SSBP3: variants seen among roughly 807,000 people sequenced by gnomAD.
The protein encoded by SSBP3 is single stranded DNA binding protein 3, also known as single-stranded DNA-binding protein 3.
A neutral mutation model predicts 69.6 loss-of-function variants in SSBP3; 5 were observed. The ratio of observed to expected loss-of-function variants is 0.07; its 90% CI spans 0.04 to 0.15. The LOEUF is 0.15. Ranked by LOEUF, SSBP3 falls within the 10% of genes least tolerant of loss-of-function variation. SSBP3 has a pLI of 1.00. For missense variants in SSBP3, 312 were observed against 534.0 expected (o/e 0.58, Z 4.10); for synonymous variants, 196 against 193.4 (o/e 1.01, Z -0.11).
chr1:54,313,456 T>TC (rs1646634013), intron 4 of SSBP3, among the ~76,000 whole-genome samples: 2 of 148,094 alleles, frequency 1.4e-5, no homozygotes, highest in African/African-American at 5.0e-5. Context: ...TTTTTTTTTT[T>TC]TTTTTCTTTT....
At chr1:54,300,143 G>A (rs187591650) in intron 4 of SSBP3, among the ~76,000 whole-genome samples, 2 of 152,240 alleles carry the variant, frequency 1.3e-5, no homozygotes, top group Non-Finnish European at 2.9e-5. Flanking sequence ...TAGCAGTGCT[G>A]GACTCGTGGC....
chr1:54,383,933 C>T (rs1389246037), intron 4 of SSBP3, among the ~76,000 whole-genome samples: 2 of 152,080 alleles, frequency 1.3e-5, no homozygotes, highest in Non-Finnish European at 2.9e-5. Flanking sequence ...AGCAAAACCC[C>T]ATCTCTACTA....
At chr1:54,290,495 G>A (rs912281126) in intron 4 of SSBP3, among the ~76,000 whole-genome samples, 1 of 152,222 alleles carries the variant, frequency 6.6e-6, no homozygotes, top group Non-Finnish European at 1.5e-5. Context: ...TTGGTCTTCT[G>A]AGAAGGGGCC....
intron 4 of SSBP3, among the ~76,000 whole-genome samples, chr1:54,395,586 G>T (rs192134720): frequency 6.6e-6 from 1 of 152,136 alleles, no homozygotes; most frequent in East Asian, 1.9e-4. Flanking sequence ...GCGGTGGGGG[G>T]GTTTAGAATC....
At chr1:54,316,663 AATAAATAAATAAATAAATAAATAAAT>A (rs1646111180) in intron 4 of SSBP3, among the ~76,000 whole-genome samples, 2 of 33,500 alleles carry the variant, frequency 6.0e-5, no homozygotes, top group Non-Finnish European at 1.1e-4. Flanking sequence ...AAAAAAATAA[AATAAATAAATAAATAAATAAATAAAT>A]AAATAAATAA....
At chr1:54,283,883 A>G (rs898201443) in intron 4 of SSBP3, among the ~76,000 whole-genome samples, 6 of 152,290 alleles carry the variant, frequency 3.9e-5, no homozygotes, top group African/African-American at 1.2e-4. Flanking sequence ...CATTAGCTGC[A>G]TTACTGCTGG....
At chr1:54,262,327 C>G (rs959696162) in intron 5 of SSBP3, among the ~76,000 whole-genome samples, 1 of 152,154 alleles carries the variant, frequency 6.6e-6, no homozygotes, top group South Asian at 2.1e-4. Flanking sequence ...AGCCAGGCCT[C>G]GATGTCTGAT....
At chr1:54,235,925 T>G (rs1287072992) in intron 14 of SSBP3, among the ~76,000 whole-genome samples, 1 of 152,210 alleles carries the variant, frequency 6.6e-6, no homozygotes, top group Admixed American at 6.5e-5. Flanking sequence ...TGACTGCCTT[T>G]TCTGGTGACA....
chr1:54,251,112 GA>G (rs1570261438), intron 9 of SSBP3, among the ~76,000 whole-genome samples: 1 of 152,220 alleles, frequency 6.6e-6, no homozygotes, highest in African/African-American at 2.4e-5. Flanking sequence ...AACAGGTGGG[GA>G]AACTGAGGCC....
chr1:54,278,036 T>A (rs1010825770), intron 5 of SSBP3, among the ~76,000 whole-genome samples: 6 of 152,188 alleles, frequency 3.9e-5, no homozygotes, highest in Non-Finnish European at 5.9e-5. Flanking sequence ...GCCTGCTCCA[T>A]CTACTGGTGA....
chr1:54,306,809 A>AT (rs1557516215), intron 4 of SSBP3, among the ~76,000 whole-genome samples: 2 of 152,064 alleles, frequency 1.3e-5, no homozygotes, highest in South Asian at 2.1e-4. Flanking sequence ...CAATAAAAAA[A>AT]TTTTTTTAAA....
chr1:54,385,438 C>G (rs186923756), intron 4 of SSBP3, among the ~76,000 whole-genome samples: 102 of 152,252 alleles, frequency 6.7e-4, no homozygotes, highest in African/African-American at 2.3e-3. Context: ...AAAATGTTCT[C>G]TCTCCTAGCA....
At position 54,339,342 on chromosome 1, in the gene SSBP3, C is replaced by T. The variant is rs1244685692; in HGVS notation, c.277-57815G>A. ...AGCAGATTCTTGGCAGACACACATT[C>T]TCAGTGTGGATGTGTCTATACAGCT... On this transcript the variant is annotated intron_variant, in intron 4 of 17. Transcript: ENST00000610401. 2.6e-5 allele frequency among the ~76,000 whole-genome samples: 4 copies of T among 152,182 alleles called. No individual in the cohort carries two copies. In the South Asian group the frequency reaches 8.3e-4, roughly 32 times the overall value.
At chr1:54,381,972 T>C (rs1647689576) in intron 4 of SSBP3, among the ~76,000 whole-genome samples, 1 of 152,210 alleles carries the variant, frequency 6.6e-6, no homozygotes, top group African/African-American at 2.4e-5. Flanking sequence ...GGTGGGTGGA[T>C]CATCTGAAGT....
intron 4 of SSBP3, among the ~76,000 whole-genome samples, chr1:54,393,839 A>G (rs1648668964): frequency 6.6e-6 from 1 of 152,066 alleles, no homozygotes; most frequent in South Asian, 2.1e-4. Flanking sequence ...GGCTCACTGC[A>G]ACCTCCACCT....
At chr1:54,408,309 C>A (rs771100561), upstream of SSBP3, among the ~76,000 whole-genome samples, 5 of 152,160 alleles carry the variant, frequency 3.3e-5, no homozygotes, top group Non-Finnish European at 2.9e-5. Context: ...GTTATTTTTT[C>A]CCCTAGGCGG....
chr1:54,295,844 A>G (rs1645694813), intron 4 of SSBP3, among the ~76,000 whole-genome samples: 1 of 151,974 alleles, frequency 6.6e-6, no homozygotes, highest in African/African-American at 2.4e-5. Flanking sequence ...CCATTCTAAC[A>G]TATCCCTTAG....
chr1:54,365,098 G>A (rs1011913026), intron 4 of SSBP3, among the ~76,000 whole-genome samples: 1 of 152,176 alleles, frequency 6.6e-6, no homozygotes, highest in Admixed American at 6.5e-5. Flanking sequence ...CAAAGGCGCC[G>A]AAGAGCTTTT....
chr1:54,393,805 G>A (rs1358402828), intron 4 of SSBP3, among the ~76,000 whole-genome samples: 2 of 151,804 alleles, frequency 1.3e-5, no homozygotes, highest in African/African-American at 2.4e-5. Context: ...TATTGCCTAG[G>A]CTGGAGTGCA....
Sources: allele counts gnomAD v4.1 joint callset (sites outside exome capture counted in the v4.1 genomes callset), GRCh38; gene constraint gnomAD v4.1.1; transcripts MANE v1.5; gene names NCBI Gene and HGNC (gene_info 2026-07-23, HGNC 2026-07-21).